ADTRP: variants seen among roughly 807,000 people sequenced by gnomAD.
ADTRP encodes the protein androgen dependent TFPI regulating protein, also known as androgen-dependent TFPI-regulating protein.
ADTRP carries 20 observed loss-of-function variants against 27.0 expected under a neutral mutation model. The observed-to-expected ratio is 0.74, with a 90% CI of 0.52 to 1.08. The LOEUF is 1.08. ADTRP is among the 50% of genes least tolerant of loss of function. The probability of loss-of-function intolerance (pLI) is 0.00; values close to 1 mark genes in which losing one functional copy is unlikely to be tolerated. For missense variants in ADTRP, 251 were observed against 275.0 expected (o/e 0.91, Z 0.62); for synonymous variants, 101 against 105.2 (o/e 0.96, Z 0.25).
At chr6:11,718,629 T>G (rs1380081445) in intron 5 of ADTRP, among the ~76,000 whole-genome samples, 1 of 152,172 alleles carries the variant, frequency 6.6e-6, no homozygotes, top group Non-Finnish European at 1.5e-5. Context: ...CCCATCTGCT[T>G]CTATCATGGT....
chr6:11,769,507 T>A (rs1180227959), intron 1 of ADTRP, among the ~76,000 whole-genome samples: 1 of 152,084 alleles, frequency 6.6e-6, no homozygotes, highest in African/African-American at 2.4e-5. Flanking sequence ...AGGACCTCCA[T>A]CCTATCCCAG....
chr6:11,753,074 G>A (rs563829653), intron 3 of ADTRP, among the ~76,000 whole-genome samples: 2 of 152,284 alleles, frequency 1.3e-5, no homozygotes, highest in Admixed American at 6.5e-5. Context: ...ACACAGCAAG[G>A]CAATGGCAGA....
intron 3 of ADTRP, among the ~76,000 whole-genome samples, chr6:11,751,614 G>A (rs921117466): frequency 1.3e-5 from 2 of 152,000 alleles, no homozygotes; most frequent in Non-Finnish European, 2.9e-5. Context: ...CATTTTGGGG[G>A]ATTTTTTGTA....
intron 3 of ADTRP, among the ~76,000 whole-genome samples, chr6:11,757,639 A>G (rs1763256134): frequency 2.6e-5 from 4 of 152,254 alleles, no homozygotes; most frequent in Admixed American, 2.6e-4. Flanking sequence ...CCTTATAAAA[A>G]AGGAGAAGAG....
At chr6:11,726,643 C>A (rs750998070) in intron 4 of ADTRP, among the ~76,000 whole-genome samples, 4 of 152,110 alleles carry the variant, frequency 2.6e-5, no homozygotes, top group Non-Finnish European at 5.9e-5. Flanking sequence ...TATAGCAACA[C>A]AAAATGGACT....
chr6:11,769,031 A>C (rs1381157838), intron 1 of ADTRP, among the ~76,000 whole-genome samples: 1 of 152,078 alleles, frequency 6.6e-6, no homozygotes, highest in East Asian at 1.9e-4. Flanking sequence ...CTGGTGGGTT[A>C]CTAAGTGCTG....
rs552440624 is a variant in ADTRP at position 11,763,794 on chromosome 6, C to CA, written c.390+2479dup. On this transcript the variant is annotated intron_variant, in intron 3 of 5. Coordinates refer to ENST00000414691, the MANE Select transcript of ADTRP (RefSeq NM_032744.4). ...CAGAAAATGTCCAGAACAAGGAACACAGTCTAGAAGACAGAGATGAGATAT... is the reference window on the plus strand; with the variant it reads ...CAGAAAATGTCCAGAACAAGGAACACAAGTCTAGAAGACAGAGATGAGATAT... 2.8e-3 allele frequency among the ~76,000 whole-genome samples: 424 copies of CA among 152,332 alleles called. 3 individuals are homozygous for CA. Among genetic ancestry groups the CA allele is most frequent in the African/African-American group, 9.8e-3 (409 of 41,560 alleles).
intron 3 of ADTRP, among the ~76,000 whole-genome samples, chr6:11,749,593 A>G (rs1762975920): frequency 6.6e-6 from 1 of 152,108 alleles, no homozygotes; most frequent in Admixed American, 6.6e-5. Context: ...ATCCAAGCGG[A>G]AACCGAGGTA....
intron 5 of ADTRP, chr6:11,717,100 C>G: frequency 2.1e-6 from 1 of 473,498 alleles, no homozygotes; most frequent in African/African-American, 2.1e-5. Flanking sequence ...TATATCTTAC[C>G]CAAACCAAAT....
chr6:11,731,766 T>TA (rs5874340), intron 4 of ADTRP, among the ~76,000 whole-genome samples: 47,707 of 151,682 alleles, frequency 0.31, 9,313 homozygotes, highest in Non-Finnish European at 0.44. Context: ...GTGTTTTTTT[T>TA]ATGAGGTTTT....
intron 3 of ADTRP, among the ~76,000 whole-genome samples, chr6:11,764,812 G>A (rs944115681): frequency 2.7e-5 from 4 of 146,554 alleles, no homozygotes; most frequent in Admixed American, 6.9e-5. Context: ...CAGGATTATA[G>A]TAGTTCTCTA....
intron 4 of ADTRP, among the ~76,000 whole-genome samples, chr6:11,728,995 T>C (rs1762302603): frequency 6.6e-6 from 1 of 152,154 alleles, no homozygotes; most frequent in Non-Finnish European, 1.5e-5. Flanking sequence ...CCTCTGTGAG[T>C]TGGACTGGGT....
chr6:11,726,621 C>A (rs994471715), intron 4 of ADTRP, among the ~76,000 whole-genome samples: 1 of 152,140 alleles, frequency 6.6e-6, no homozygotes, highest in African/African-American at 2.4e-5. Flanking sequence ...TTTTCAATCT[C>A]TGATATCCTT....
At chr6:11,751,036 G>C (rs1763029436) in intron 3 of ADTRP, among the ~76,000 whole-genome samples, 1 of 152,186 alleles carries the variant, frequency 6.6e-6, no homozygotes, top group Non-Finnish European at 1.5e-5. Context: ...ATTTTTTGTA[G>C]AGATGGGCTT....
chr6:11,762,329 G>A (rs1251300242), intron 3 of ADTRP, among the ~76,000 whole-genome samples: 2 of 152,212 alleles, frequency 1.3e-5, no homozygotes, highest in Non-Finnish European at 2.9e-5. Flanking sequence ...ACTGCCTTGT[G>A]TAAGCATTCA....
chr6:11,762,419 T>A (rs1216792042), intron 3 of ADTRP, among the ~76,000 whole-genome samples: 1 of 152,232 alleles, frequency 6.6e-6, no homozygotes, highest in Non-Finnish European at 1.5e-5. Context: ...TCAATAAATA[T>A]CAATCATAGT....
At chr6:11,762,160 A>G (rs1393523591) in intron 3 of ADTRP, among the ~76,000 whole-genome samples, 2 of 152,234 alleles carry the variant, frequency 1.3e-5, no homozygotes, top group Non-Finnish European at 2.9e-5. Flanking sequence ...TTGACTTCCC[A>G]GCACATCCCT....
chr6:11,733,053 T>G (rs1762436919), intron 4 of ADTRP, among the ~76,000 whole-genome samples: 1 of 152,224 alleles, frequency 6.6e-6, no homozygotes, highest in Admixed American at 6.5e-5. Context: ...ACCATGGGCA[T>G]GTCATCTACC....
chr6:11,720,218 G>C (rs951740347), intron 5 of ADTRP, among the ~76,000 whole-genome samples: 1 of 152,224 alleles, frequency 6.6e-6, no homozygotes, highest in Non-Finnish European at 1.5e-5. Context: ...GCTTTGGACA[G>C]AATACGTGGC....
Sources: gnomAD v4.1 joint callset for allele counts (sites outside exome capture counted in the v4.1 genomes callset) on GRCh38, gnomAD v4.1.1 for gene constraint, MANE v1.5 for transcripts, NCBI Gene and HGNC (gene_info 2026-07-23, HGNC 2026-07-21) for gene names.